The following XPNPEP3 variants were observed in gnomAD, a reference collection of about 807,000 sequenced individuals.
XPNPEP3 encodes X-prolyl aminopeptidase 3, also known as xaa-Pro aminopeptidase 3.
In XPNPEP3, 41 loss-of-function variants were observed where a neutral mutation model predicts 60.0. The ratio of observed to expected loss-of-function variants is 0.68; its 90% CI spans 0.53 to 0.89. The LOEUF is 0.89. XPNPEP3 is among the 40% of genes least tolerant of loss of function. The pLI is 0.00. For missense variants in XPNPEP3, 598 were observed against 638.9 expected (o/e 0.94, Z 0.69); for synonymous variants, 212 against 223.2 (o/e 0.95, Z 0.45).
At chr22:40,887,352 C>G (rs2058073352) in intron 4 of XPNPEP3, among the ~76,000 whole-genome samples, 1 of 152,150 alleles carries the variant, frequency 6.6e-6, no homozygotes. Flanking sequence ...TTAGGAATCA[C>G]CAGTGTTGTC....
At chr22:40,880,909 G>C (rs931924649) in intron 2 of XPNPEP3, among the ~76,000 whole-genome samples, 3 of 152,094 alleles carry the variant, frequency 2.0e-5, no homozygotes, top group African/African-American at 7.2e-5. Flanking sequence ...GAGTTGCCAG[G>C]GGCTGGAGGA....
intron 2 of XPNPEP3, among the ~76,000 whole-genome samples, chr22:40,879,942 A>G (rs1420354430): frequency 1.4e-5 from 2 of 147,988 alleles, no homozygotes; most frequent in Admixed American, 6.9e-5. Context: ...CACAAGAATC[A>G]CTTGAACCCA....
intron 1 of XPNPEP3, chr22:40,860,744 C>T (rs2057938617): frequency 1.3e-6 from 1 of 797,662 alleles, no homozygotes; most frequent in Middle Eastern, 2.3e-4. Context: ...CCTATGTCTT[C>T]CAGGCTCAAG....
At chr22:40,895,482 C>T (rs2058104349) in intron 4 of XPNPEP3, among the ~76,000 whole-genome samples, 1 of 151,614 alleles carries the variant, frequency 6.6e-6, no homozygotes, top group Non-Finnish European at 1.5e-5. Context: ...TTACAGACGC[C>T]CACCAGCACG....
chr22:40,860,924 A>G, intron 1 of XPNPEP3: 1 of 860,786 alleles, frequency 1.2e-6, no homozygotes, highest in Non-Finnish European at 1.7e-6. Context: ...ACCCATTCAA[A>G]AAAACTACTA....
rs990328447 is a variant in XPNPEP3 at position 40,928,317 on chromosome 22, C to G, written c.*1882C>G. ...CACCACCTGGGTTCAGGCAATTCTCCTGCCTCAGCCTCCCAAGTAACTGGG... is the reference window on the plus strand; with the variant it reads ...CACCACCTGGGTTCAGGCAATTCTCGTGCCTCAGCCTCCCAAGTAACTGGG... On this transcript the variant is annotated 3_prime_UTR_variant, in exon 10 of 10. Transcript: ENST00000357137. 1 of 151,874 alleles carries G rather than the reference C, an allele frequency of 6.6e-6. No homozygotes were observed. The highest frequency in any genetic ancestry group is 2.4e-5 in the African/African-American group (1 of 41,320). The allele number at this position is 151,874 out of a possible 1,614,324, so 9.4% of individuals were successfully genotyped here.
At chr22:40,902,185 G>A (rs939209824) in intron 4 of XPNPEP3, among the ~76,000 whole-genome samples, 27 of 141,086 alleles carry the variant, frequency 1.9e-4, no homozygotes, top group Admixed American at 7.6e-4. Context: ...CGATTCTCCT[G>A]CCTCCTGCCT....
intron 4 of XPNPEP3, among the ~76,000 whole-genome samples, chr22:40,900,560 C>T (rs1488604833): frequency 6.6e-6 from 1 of 151,310 alleles, no homozygotes; most frequent in Non-Finnish European, 1.5e-5. Flanking sequence ...GAACCGAGAT[C>T]GCACCACTGC....
intron 2 of XPNPEP3, among the ~76,000 whole-genome samples, chr22:40,872,772 T>G (rs748846553): frequency 5.9e-5 from 9 of 151,934 alleles, no homozygotes; most frequent in Admixed American, 1.3e-4. Context: ...TTGTACAGAT[T>G]ATATTATATT....
intron 4 of XPNPEP3, among the ~76,000 whole-genome samples, chr22:40,901,281 C>T (rs2058131742): frequency 6.8e-6 from 1 of 147,800 alleles, no homozygotes; most frequent in Non-Finnish European, 1.5e-5. Context: ...CTCACCCAGG[C>T]TGGAGTGCAA....
chr22:40,924,590 C>A (rs910944154), intron 9 of XPNPEP3, 108 bp downstream of exon 9: 34 of 1,476,102 alleles, frequency 2.3e-5, no homozygotes, highest in Non-Finnish European at 3.1e-5. Flanking sequence ...GTGGTGTGAT[C>A]TTCACTCACT....
chr22:40,924,297 A>G, intron 8 of XPNPEP3, 65 bp from the exon 9 acceptor site: 1 of 1,606,362 alleles, frequency 6.2e-7, no homozygotes, highest in South Asian at 1.1e-5. Context: ...ACTGATTTAT[A>G]CTTGCCCAGC....
chr22:40,858,410 C>T (rs2057917889), intron 1 of XPNPEP3, among the ~76,000 whole-genome samples: 1 of 152,106 alleles, frequency 6.6e-6, no homozygotes, highest in African/African-American at 2.4e-5. Flanking sequence ...AAGGCTCTCC[C>T]CAGCCTGACT....
chr22:40,865,255 C>T (rs1185564230), intron 1 of XPNPEP3, among the ~76,000 whole-genome samples: 5 of 151,992 alleles, frequency 3.3e-5, no homozygotes, highest in East Asian at 1.9e-4. Context: ...ATTGATGTTA[C>T]CATATCCAGT....
At chr22:40,861,922 T>C (rs1388863878) in intron 1 of XPNPEP3, 1 of 1,613,522 alleles carries the variant, frequency 6.2e-7, no homozygotes, top group South Asian at 1.1e-5. Flanking sequence ...AGTGCCACTT[T>C]ATGATAAGCT....
In XPNPEP3 at chr22:40,898,549, G is replaced by A. The variant is rs532542445; in HGVS notation, c.793-9038G>A. Among the ~76,000 whole-genome samples the A allele has an allele frequency of 6.0e-5, 8 of 133,710 alleles. 2 individuals are homozygous for A. The highest frequency in any genetic ancestry group is 2.9e-4 in the African/African-American group (7 of 24,454). The allele number at this position is 133,710 out of a possible 152,430, so 87.7% of individuals were successfully genotyped here. A position where few individuals can be genotyped will look rare whatever the true frequency, so the allele number is the denominator to read the frequency against. On this transcript the variant is annotated intron_variant, in intron 4 of 9. Transcript: ENST00000357137. ...ATTACAGGCGTGAGCCACCGCGCCC[G>A]GCCGACCCATTTTGAGTTAATATTT...
In XPNPEP3 at chr22:40,906,090, CTGTT is replaced by C. The variant is rs34451692; in HGVS notation, c.793-1471_793-1468del. On this transcript the variant is annotated intron_variant, in intron 4 of 9. Coordinates refer to ENST00000357137, the MANE Select transcript of XPNPEP3 (RefSeq NM_022098.4). ...ACAGGCTTGAGCCAACGCACCCAGC[CTGTT>C]TGTTTGTTTGTTTGTTTGTTTGTTT... is the stretch of plus-strand genomic sequence containing the variant. Among the ~76,000 whole-genome samples the C allele has an allele frequency of 1.9e-3, 284 of 151,810 alleles. 1 individual carries two copies. The highest frequency in any genetic ancestry group is 3.4e-3 in the African/African-American group (141 of 41,236).
intron 1 of XPNPEP3, among the ~76,000 whole-genome samples, chr22:40,857,781 T>A (rs1236292999): frequency 2.0e-5 from 3 of 152,270 alleles, no homozygotes; most frequent in Admixed American, 1.3e-4. Flanking sequence ...GAGCAATTAA[T>A]CTGATGAACA....
intron 4 of XPNPEP3, among the ~76,000 whole-genome samples, chr22:40,895,906 A>G (rs1271998042): frequency 6.6e-6 from 1 of 152,102 alleles, no homozygotes; most frequent in Non-Finnish European, 1.5e-5. Flanking sequence ...CCTCCAGGCC[A>G]TTTTACTCAC....
Sources: allele counts gnomAD v4.1 joint callset (sites outside exome capture counted in the v4.1 genomes callset), GRCh38; gene constraint gnomAD v4.1.1; transcripts MANE v1.5; gene names NCBI Gene and HGNC (gene_info 2026-07-23, HGNC 2026-07-21).